Variants in ATP2B2 observed in about 807,000 individuals in gnomAD.
ATP2B2 encodes ATPase plasma membrane Ca2+ transporting 2, also known as plasma membrane calcium-transporting ATPase 2.
In ATP2B2, 15 loss-of-function variants were observed where a neutral mutation model predicts 120.0. The ratio of observed to expected loss-of-function variants is 0.12; its 90% CI spans 0.08 to 0.19. The LOEUF is 0.19. Among genes scored for constraint, ATP2B2 ranks in the 10% least tolerant of loss-of-function variants. The probability of loss-of-function intolerance (pLI) is 1.00; values close to 1 mark genes in which losing one functional copy is unlikely to be tolerated. For synonymous variants in ATP2B2, 694 were observed against 700.3 expected (o/e 0.99, Z 0.14); for missense variants, 1,045 against 1,719.8 (o/e 0.61, Z 6.94).
intron 2 of ATP2B2, among the ~76,000 whole-genome samples, chr3:10,440,274 G>A (rs1285091917): frequency 2.0e-5 from 3 of 151,970 alleles, no homozygotes; most frequent in African/African-American, 4.8e-5. Context: ...CCCAACCTTC[G>A]GTTTCCCTGC....
rs60670471 is a variant in ATP2B2 at position 10,585,493 on chromosome 3, G to GAAAA, written c.-415+34420_-415+34423dup. On this transcript the variant is annotated intron_variant, in intron 2 of 21. Transcript: ENST00000646379. ...TGGGCGACAGAGCGAGACTCCGTCT[G>GAAAA]AAAAAAAAAAAAAAAAAAAAAAAAG... 3.1e-3 allele frequency among the ~76,000 whole-genome samples: 88 copies of GAAAA among 28,504 alleles called. 5 individuals carry two copies. Among genetic ancestry groups the GAAAA allele is most frequent in the Non-Finnish European group, 4.3e-3 (76 of 17,684 alleles). The allele number at this position is 28,504 out of a possible 152,430, so 18.7% of individuals were successfully genotyped here.
intron 2 of ATP2B2, 66 bp from the exon 3 acceptor site, chr3:10,410,881 TA>T (rs2062588528): frequency 6.4e-7 from 1 of 1,561,672 alleles, no homozygotes; most frequent in Admixed American, 1.7e-5. Context: ...TCTGGGAATC[TA>T]GGGGCAGAAA....
rs368326570 is a variant in ATP2B2, at chr3:10,706,661, G to C, written c.-460+1254C>G. ...AGAAAGGAAATTACACCAGCTGGTA[G>C]CCAAAATGTTTTGGATACAGACCAT... On this transcript the variant is annotated intron_variant, in intron 1 of 21. Coordinates refer to the ATP2B2 transcript ENST00000646379. 1.1e-4 allele frequency among the ~76,000 whole-genome samples: 16 copies of C among 152,310 alleles called. No homozygotes were observed. In the East Asian group the frequency reaches 2.1e-3, roughly 20 times the overall value.
chr3:10,642,079 C>A (rs1318142737), intron 1 of ATP2B2, among the ~76,000 whole-genome samples: 4 of 152,134 alleles, frequency 2.6e-5, no homozygotes, highest in Admixed American at 2.6e-4. Context: ...CCCCTCCACC[C>A]ATCCCTTACT....
chr3:10,670,296 G>A (rs1262513245), intron 1 of ATP2B2, among the ~76,000 whole-genome samples: 1 of 152,184 alleles, frequency 6.6e-6, no homozygotes, highest in Admixed American at 6.5e-5. Flanking sequence ...GACCAAGATG[G>A]TAGTTTGAGG....
chr3:10,644,436 G>T lies in ATP2B2; in HGVS notation c.-459-24475C>A, dbSNP rs192329250. ...ATATGCCAGAAAGAATTGAAAACAG[G>T]GACTCAAACAAATATAGATACACAT... On this transcript the variant is annotated intron_variant, in intron 1 of 21. Transcript: ENST00000646379. Among the ~76,000 whole-genome samples, 16 of 152,230 alleles carry T rather than the reference G, an allele frequency of 1.1e-4. No homozygotes were observed. The East Asian group carries it at 2.9e-3, about 28-fold the overall frequency.
At chr3:10,505,630 G>C (rs1289190190), upstream of ATP2B2, 1 of 147,214 alleles carries the variant, frequency 6.8e-6, no homozygotes, top group Non-Finnish European at 1.5e-5. Context: ...CGGAGGCGCC[G>C]GCGCCGGTTC....
At chr3:10,344,170 C>T (rs993818586) in intron 18 of ATP2B2, among the ~76,000 whole-genome samples, 3 of 152,096 alleles carry the variant, frequency 2.0e-5, no homozygotes, top group African/African-American at 7.2e-5. Context: ...CAAGTGTGCC[C>T]GTCTTCTTAT....
intron 5 of ATP2B2, among the ~76,000 whole-genome samples, chr3:10,395,572 T>G (rs994216896): frequency 3.3e-5 from 5 of 152,196 alleles, no homozygotes; most frequent in African/African-American, 1.2e-4. Flanking sequence ...CGAATCAGAG[T>G]GAAGGGCATG....
intron 2 of ATP2B2, among the ~76,000 whole-genome samples, chr3:10,435,227 G>A (rs905368163): frequency 5.9e-5 from 9 of 152,144 alleles, no homozygotes; most frequent in African/African-American, 1.7e-4. Context: ...GACCATTACC[G>A]GAGCATGGGG....
intron 2 of ATP2B2, among the ~76,000 whole-genome samples, chr3:10,538,561 G>A (rs562180121): frequency 2.0e-5 from 3 of 152,188 alleles, no homozygotes; most frequent in Admixed American, 6.5e-5. Flanking sequence ...GGGATGCAAG[G>A]TTGGTTCAAC....
intron 1 of ATP2B2, among the ~76,000 whole-genome samples, chr3:10,695,251 G>GGAGAGAGAGA (rs140200422): frequency 1.1e-3 from 139 of 126,940 alleles, no homozygotes; most frequent in African/African-American, 3.8e-3. Context: ...AGGGAGGGAG[G>GGAGAGAGAGA]GAGAGAGAGA....
intron 2 of ATP2B2, among the ~76,000 whole-genome samples, chr3:10,536,696 T>C (rs1251809849): frequency 2.0e-5 from 3 of 152,016 alleles, no homozygotes; most frequent in Non-Finnish European, 4.4e-5. Context: ...CCAGCTAATT[T>C]TATTTATTTT....
At chr3:10,380,153 G>T (rs2061493061) in intron 8 of ATP2B2, among the ~76,000 whole-genome samples, 1 of 152,214 alleles carries the variant, frequency 6.6e-6, no homozygotes, top group Non-Finnish European at 1.5e-5. Context: ...GCATCTGGCT[G>T]CCCCCCACCG....
At chr3:10,674,485 C>T (rs2071196096) in intron 1 of ATP2B2, among the ~76,000 whole-genome samples, 1 of 152,176 alleles carries the variant, frequency 6.6e-6, no homozygotes, top group Non-Finnish European at 1.5e-5. Context: ...CAATGCATAG[C>T]AAGTGCCTCA....
intron 1 of ATP2B2, among the ~76,000 whole-genome samples, chr3:10,479,111 A>C (rs1039715928): frequency 6.6e-6 from 1 of 152,118 alleles, no homozygotes; most frequent in African/African-American, 2.4e-5. Context: ...AAAATTACCC[A>C]GTTGCAGATA....
At chr3:10,486,324 C>CGTGTGTGCGTGTGTGTGTGT (rs763360449) in intron 1 of ATP2B2, among the ~76,000 whole-genome samples, 1 of 117,088 alleles carries the variant, frequency 8.5e-6, no homozygotes, top group South Asian at 2.6e-4. Context: ...TGTGTGCGTG[C>CGTGTGTGCGTGTGTGTGTGT]GTGTGTGTGT....
intron 1 of ATP2B2, among the ~76,000 whole-genome samples, chr3:10,459,681 A>C (rs2064404979): frequency 6.6e-6 from 1 of 152,222 alleles, no homozygotes; most frequent in Non-Finnish European, 1.5e-5. Flanking sequence ...GGATTACAAG[A>C]AGAGGCTTGG....
At chr3:10,612,643 C>T (rs1043908081) in intron 2 of ATP2B2, among the ~76,000 whole-genome samples, 1 of 152,198 alleles carries the variant, frequency 6.6e-6, no homozygotes, top group African/African-American at 2.4e-5. Context: ...CTGATATCTC[C>T]CTGAGCTGCA....
Sources: allele counts gnomAD v4.1 joint callset (sites outside exome capture counted in the v4.1 genomes callset), GRCh38; gene constraint gnomAD v4.1.1; transcripts MANE v1.5; gene names NCBI Gene and HGNC (gene_info 2026-07-23, HGNC 2026-07-21).